The following SHC3 variants were observed in gnomAD, a reference collection of about 807,000 sequenced individuals.
The protein encoded by SHC3 is SHC adaptor protein 3.
A neutral mutation model predicts 60.4 loss-of-function variants in SHC3; 15 were observed. That is an observed-to-expected ratio of 0.25 (90% CI 0.17 to 0.38). The LOEUF is 0.38. SHC3 is among the 10% of genes least tolerant of loss of function. The pLI, the probability that SHC3 is intolerant of heterozygous loss-of-function variation, is 1.00. For missense variants in SHC3, 677 were observed against 786.1 expected (o/e 0.86, Z 1.66); for synonymous variants, 294 against 325.9 (o/e 0.90, Z 1.05).
intron 1 of SHC3, among the ~76,000 whole-genome samples, chr9:89,172,039 C>T (rs1186791158): frequency 1.3e-5 from 2 of 152,240 alleles, no homozygotes; most frequent in African/African-American, 4.8e-5. Flanking sequence ...CCAGTCATGT[C>T]AGGTGGTACA....
At chr9:89,037,341 T>C in intron 11 of SHC3, 1 of 603,930 alleles carries the variant, frequency 1.7e-6, no homozygotes, top group South Asian at 2.1e-5. Context: ...TAAACAATCC[T>C]GGAATTTCAC....
intron 11 of SHC3, among the ~76,000 whole-genome samples, chr9:89,014,322 T>C (rs1826060366): frequency 6.6e-6 from 1 of 152,202 alleles, no homozygotes; most frequent in South Asian, 2.1e-4. Context: ...GCCTCCACTC[T>C]GAGCCGGCAC....
intron 2 of SHC3, among the ~76,000 whole-genome samples, chr9:89,078,137 G>A (rs1388503321): frequency 4.6e-5 from 7 of 151,004 alleles, no homozygotes; most frequent in Non-Finnish European, 1.0e-4. Flanking sequence ...TTGTTGTGGT[G>A]GCTGGATACT....
In SHC3 at chr9:89,089,416, G is replaced by A. The variant is rs560095335; in HGVS notation, c.546-11513C>T. Among the ~76,000 whole-genome samples the A allele has an allele frequency of 1.5e-4, 23 of 152,274 alleles. 1 individual carries two copies. Among genetic ancestry groups the A allele is most frequent in the Middle Eastern group, 6.8e-3 (2 of 294 alleles). ...ACGCTGATCTTGGAGCCTGGGGGGT[G>A]GAGCAGGAGGGAACTGGGACCTGGG... On this transcript the variant is annotated intron_variant, in intron 2 of 11. Transcript: ENST00000375835.
intron 1 of SHC3, among the ~76,000 whole-genome samples, chr9:89,169,290 G>A (rs1334728805): frequency 6.6e-6 from 1 of 152,110 alleles, no homozygotes; most frequent in Non-Finnish European, 1.5e-5. Flanking sequence ...CCTCCTCACA[G>A]CTCTCAGTGC....
At chr9:89,076,652 C>T (rs1004539565) in intron 3 of SHC3, among the ~76,000 whole-genome samples, 56 of 152,184 alleles carry the variant, frequency 3.7e-4, no homozygotes, top group African/African-American at 1.3e-3. Context: ...GGAGCCCAGC[C>T]CTCTGAGCTT....
intron 1 of SHC3, among the ~76,000 whole-genome samples, chr9:89,135,643 T>C (rs1826308007): frequency 6.6e-6 from 1 of 152,146 alleles, no homozygotes; most frequent in Non-Finnish European, 1.5e-5. Context: ...ATGGTACACC[T>C]GTTATAAAAT....
intron 2 of SHC3, among the ~76,000 whole-genome samples, chr9:89,088,380 C>T (rs894221442): frequency 1.3e-5 from 2 of 152,186 alleles, no homozygotes; most frequent in African/African-American, 4.8e-5. Context: ...TTCTATTCCC[C>T]TAAAATGTAT....
At chr9:89,075,074 G>A (rs544620668) in intron 4 of SHC3, 35 bp downstream of exon 4, 2 of 1,608,080 alleles carry the variant, frequency 1.2e-6, no homozygotes, top group Admixed American at 1.7e-5. Context: ...ACCTGGGGCT[G>A]TGGGCAGGGA....
chr9:89,080,756 T>C (rs1008013968), intron 2 of SHC3, among the ~76,000 whole-genome samples: 6 of 146,576 alleles, frequency 4.1e-5, no homozygotes, highest in Non-Finnish European at 9.0e-5. Flanking sequence ...TATATATATA[T>C]ATGTATGTAT....
chr9:89,025,310 C>T (rs1018166608), intron 11 of SHC3, among the ~76,000 whole-genome samples: 1 of 152,252 alleles, frequency 6.6e-6, no homozygotes, highest in South Asian at 2.1e-4. Context: ...CACCTCCAGG[C>T]TTGTAGGCTC....
Position 89,052,143 on chromosome 9 carries a change from A to G in SHC3, c.856T>C (p.Cys286Arg). 1 of 1,613,966 alleles carries G rather than the reference A, an allele frequency of 6.2e-7. No homozygotes were observed. The highest frequency in any genetic ancestry group is 8.5e-7 in the Non-Finnish European group (1 of 1,179,866). The change falls in exon 7 of 12, where the codon TGT becomes CGT. Residue 286 changes from cysteine (C) to arginine (R), a missense_variant. By Grantham distance (180) the Cys-to-Arg change is radical. Transcript: ENST00000375835. ...NRRACHILEC[C>R]DGLAQDVIGS... ...ATGACATCCTGGGCCAGCCCATCAC[A>G]GCATTCCAAAATGTGACAAGCTGGG...
chr9:89,109,164 G>C, intron 2 of SHC3: 1 of 977,458 alleles, frequency 1.0e-6, no homozygotes, highest in Non-Finnish European at 1.2e-6. Flanking sequence ...AGTAAATGCA[G>C]CCTGTCTTAA....
At chr9:89,063,500 C>CT (rs1341568824) in intron 6 of SHC3, among the ~76,000 whole-genome samples, 40 of 152,214 alleles carry the variant, frequency 2.6e-4, no homozygotes, top group African/African-American at 9.6e-4. Flanking sequence ...GACACATCTA[C>CT]TCTGGGTCTC....
rs1168405224 is a variant in SHC3 at position 89,056,730 on chromosome 9, T to C, written c.836-4567A>G. On this transcript the variant is annotated intron_variant, in intron 6 of 11. Transcript: ENST00000375835. ...AGCCATCCTGCCCTTCCTCTGCTAT[T>C]ACGGGCTAAGATCGTCCTGTTTCCA... Among the ~76,000 whole-genome samples the C allele has an allele frequency of 2.0e-5, 3 of 152,258 alleles. No homozygotes were observed. The East Asian group carries it at 5.8e-4, about 29-fold the overall frequency.
At chr9:89,065,894 A>C (rs917810133) in intron 5 of SHC3, among the ~76,000 whole-genome samples, 6 of 152,194 alleles carry the variant, frequency 3.9e-5, no homozygotes, top group African/African-American at 1.4e-4. Context: ...TTAGAAGTCC[A>C]CTTACACTTT....
Position 89,042,163 on chromosome 9 carries a change from G to A in SHC3, c.1223C>T (p.Thr408Met), listed in dbSNP as rs112676570. ...LRQGSSDIYSTPEGKLHVAPT... is the reference protein window; with the variant it reads ...LRQGSSDIYSMPEGKLHVAPT... ...GGCCACGTGCAGTTTCCCTTCTGGC[G>A]TGCTGTAGATGTCCGAGGACCCTGC... The change falls in exon 10 of 12, where the codon ACG becomes ATG. Residue 408 changes from threonine (T) to methionine (M), a missense_variant. Thr to Met is a moderately conservative substitution (Grantham distance 81). Coordinates refer to ENST00000375835, the MANE Select transcript of SHC3 (RefSeq NM_016848.6). 4.3e-4 allele frequency: 661 copies of A among 1,539,088 alleles called. 1 individual carries two copies. In the African/African-American group the frequency reaches 5.9e-3, roughly 14 times the overall value.
chr9:89,107,554 C>A (rs143192648), intron 2 of SHC3, among the ~76,000 whole-genome samples: 1 of 152,366 alleles, frequency 6.6e-6, no homozygotes, highest in East Asian at 1.9e-4. Context: ...AAAAAGGACT[C>A]TAAACCAGGA....
chr9:89,099,039 A>G (rs1030613691), intron 2 of SHC3, among the ~76,000 whole-genome samples: 2 of 152,190 alleles, frequency 1.3e-5, no homozygotes, highest in Non-Finnish European at 2.9e-5. Flanking sequence ...TCATATTCTT[A>G]TATCTTTTTA....
Sources: gnomAD v4.1 joint callset for allele counts (sites outside exome capture counted in the v4.1 genomes callset) on GRCh38, gnomAD v4.1.1 for gene constraint, MANE v1.5 for transcripts, NCBI Gene and HGNC (gene_info 2026-07-23, HGNC 2026-07-21) for gene names.